Variants in PCSK5 observed in about 807,000 individuals in gnomAD.
The protein encoded by PCSK5 is prohormone convertase 5.
PCSK5 carries 129 observed loss-of-function variants against 233.2 expected under a neutral mutation model. The ratio of observed to expected loss-of-function variants is 0.55; its 90% CI spans 0.48 to 0.64. PCSK5 has a LOEUF of 0.64. Ranked by LOEUF, PCSK5 falls within the 30% of genes least tolerant of loss-of-function variation. The pLI, the probability that PCSK5 is intolerant of heterozygous loss-of-function variation, is 0.00. For missense variants in PCSK5, 2,076 were observed against 2,430.1 expected, an observed-to-expected ratio of 0.85 and a Z score of 3.06; for synonymous variants, 825 against 879.2, an observed-to-expected ratio of 0.94 and a Z score of 1.09.
chr9:76,265,965 T>G (rs1220509884), intron 24 of PCSK5, among the ~76,000 whole-genome samples: 1 of 152,224 alleles, frequency 6.6e-6, no homozygotes, highest in East Asian at 1.9e-4. Context: ...TATTAGCTCT[T>G]GGTGCCCATT....
chr9:76,246,892 C>G (rs753155285), intron 24 of PCSK5, among the ~76,000 whole-genome samples: 2 of 152,232 alleles, frequency 1.3e-5, no homozygotes, highest in Non-Finnish European at 2.9e-5. Flanking sequence ...CAGGCCACTT[C>G]CAAAATGGCG....
chr9:76,057,092 A>G (rs1266500845), intron 5 of PCSK5, among the ~76,000 whole-genome samples: 1 of 152,292 alleles, frequency 6.6e-6, no homozygotes, highest in South Asian at 2.1e-4. Flanking sequence ...AGTAAAATCT[A>G]CTAAAGTTTT....
Position 75,903,422 on chromosome 9 carries a change from AT to A in PCSK5, c.192+12053del, listed in dbSNP as rs149976517. Among the ~76,000 whole-genome samples, 149 of 151,582 alleles carry A rather than the reference AT, an allele frequency of 9.8e-4. 4 individuals are homozygous for A. The East Asian group carries it at 0.026, about 26-fold the overall frequency. ...GTTAATTCTATCCTGGGAAAATTACATTTTGGATACCATGCCAGCATTGAAC... is the reference window on the plus strand; with the variant it reads ...GTTAATTCTATCCTGGGAAAATTACATTTGGATACCATGCCAGCATTGAAC... On this transcript the variant is annotated intron_variant, in intron 1 of 37. Transcript: ENST00000674117.
intron 7 of PCSK5, among the ~76,000 whole-genome samples, chr9:76,075,939 G>T (rs1162730189): frequency 6.6e-6 from 1 of 152,140 alleles, no homozygotes; most frequent in African/African-American, 2.4e-5. Flanking sequence ...CTACATTCTA[G>T]CAACAAAACA....
chr9:76,174,826 G>A (rs1210857702), intron 13 of PCSK5, among the ~76,000 whole-genome samples, 160 bp from the exon 14 acceptor site: 2 of 152,248 alleles, frequency 1.3e-5, no homozygotes, highest in East Asian at 1.9e-4. Context: ...TGCAGATGAC[G>A]AGAAATACGC....
At chr9:76,297,745 G>C (rs781694757) in intron 27 of PCSK5, among the ~76,000 whole-genome samples, 14 of 152,146 alleles carry the variant, frequency 9.2e-5, no homozygotes, top group Non-Finnish European at 1.8e-4. Context: ...GGTCACTTCG[G>C]TGCAAAGGCA....
intron 5 of PCSK5, among the ~76,000 whole-genome samples, chr9:76,055,911 A>G (rs1829803839): frequency 6.6e-6 from 1 of 152,202 alleles, no homozygotes; most frequent in Non-Finnish European, 1.5e-5. Flanking sequence ...GAAGGTGGTA[A>G]TATGATGATG....
intron 2 of PCSK5, among the ~76,000 whole-genome samples, chr9:75,970,366 CAG>C (rs1490708617): frequency 2.0e-5 from 3 of 152,172 alleles, no homozygotes; most frequent in African/African-American, 4.8e-5. Context: ...AATTACAAGT[CAG>C]AAAGTGCCCT....
At chr9:75,945,383 A>G (rs766019673) in intron 2 of PCSK5, among the ~76,000 whole-genome samples, 6 of 151,998 alleles carry the variant, frequency 3.9e-5, no homozygotes, top group Non-Finnish European at 8.8e-5. Flanking sequence ...TGAGTCATCA[A>G]GAGATATTGT....
At chr9:76,057,432 A>G (rs1829860823) in intron 5 of PCSK5, among the ~76,000 whole-genome samples, 1 of 152,184 alleles carries the variant, frequency 6.6e-6, no homozygotes, top group Non-Finnish European at 1.5e-5. Flanking sequence ...AGAATGGGCT[A>G]GGGTGATTTA....
intron 6 of PCSK5, 118 bp from the exon 7 acceptor site, chr9:76,071,608 T>C: frequency 1.3e-6 from 1 of 795,866 alleles, no homozygotes; most frequent in Non-Finnish European, 2.0e-6. Flanking sequence ...GGGGAAGATA[T>C]GCTCACTTAA....
intron 2 of PCSK5, among the ~76,000 whole-genome samples, chr9:75,953,354 C>A (rs1587412505): frequency 1.3e-5 from 2 of 152,088 alleles, no homozygotes; most frequent in South Asian, 4.2e-4. Context: ...AGCGTAGCAA[C>A]CACCAATAAA....
At chr9:75,971,009 G>T (rs145721673) in intron 2 of PCSK5, among the ~76,000 whole-genome samples, 11,891 of 152,030 alleles carry the variant, frequency 0.078, 534 homozygotes, top group Middle Eastern at 0.12. Flanking sequence ...GTGGTTTGCT[G>T]CACCTATCAA....
intron 12 of PCSK5, among the ~76,000 whole-genome samples, chr9:76,165,417 G>T (rs968827586): frequency 1.3e-5 from 2 of 152,198 alleles, no homozygotes; most frequent in South Asian, 4.1e-4. Flanking sequence ...AGAATGCTGT[G>T]GCCTTGATAC....
At chr9:75,962,305 C>G (rs1825388244) in intron 2 of PCSK5, among the ~76,000 whole-genome samples, 1 of 152,128 alleles carries the variant, frequency 6.6e-6, no homozygotes, top group African/African-American at 2.4e-5. Context: ...ACTTCTTCAG[C>G]TCCTGGGTCA....
At chr9:76,352,671 C>T (rs945672084) in intron 36 of PCSK5, among the ~76,000 whole-genome samples, 10 of 152,114 alleles carry the variant, frequency 6.6e-5, no homozygotes, top group Admixed American at 5.2e-4. Flanking sequence ...CCCGGCAAGA[C>T]CACAAATTTC....
chr9:76,238,773 G>A (rs1441204472), intron 22 of PCSK5, among the ~76,000 whole-genome samples, 186 bp from the exon 23 acceptor site: 1 of 152,094 alleles, frequency 6.6e-6, no homozygotes, highest in Non-Finnish European at 1.5e-5. Flanking sequence ...TCCCTGCAAG[G>A]AAAACTTCTC....
At chr9:75,918,220 G>T (rs1823090495) in intron 1 of PCSK5, among the ~76,000 whole-genome samples, 1 of 152,184 alleles carries the variant, frequency 6.6e-6, no homozygotes, top group Admixed American at 6.5e-5. Context: ...TATATGCAGG[G>T]TATATTTGTG....
Position 75,911,201 on chromosome 9 carries a change from G to GTTTTTTTTTTTTTTTTTTTTTTTTTTTTT in PCSK5, c.192+19831_192+19859dup, listed in dbSNP as rs71370772. Reference sequence around the variant, plus strand: ...TGATACATTGCGTGTGAACATATAGGTTTTTTTTTTTTTTTTTTTTTTTTT... The same window carrying GTTTTTTTTTTTTTTTTTTTTTTTTTTTTT: ...TGATACATTGCGTGTGAACATATAGGTTTTTTTTTTTTTTTTTTTTTTTTTTTTTTTTTTTTTTTTTTTTTTTTTTTTTT... On this transcript the variant is annotated intron_variant, in intron 1 of 37. Coordinates refer to ENST00000674117, the MANE Select transcript of PCSK5 (RefSeq NM_001372043.1). 8.2e-5 allele frequency among the ~76,000 whole-genome samples: 4 copies of GTTTTTTTTTTTTTTTTTTTTTTTTTTTTT among 48,758 alleles called. 1 individual carries two copies. The highest frequency in any genetic ancestry group is 2.5e-4 in the African/African-American group (3 of 11,876). The allele number at this position is 48,758 out of a possible 152,430, so 32.0% of individuals were successfully genotyped here.
Sources: allele counts gnomAD v4.1 joint callset (sites outside exome capture counted in the v4.1 genomes callset), GRCh38; gene constraint gnomAD v4.1.1; transcripts MANE v1.5; gene names NCBI Gene and HGNC (gene_info 2026-07-23, HGNC 2026-07-21).